RRP36: variants seen among roughly 807,000 people sequenced by gnomAD.
RRP36 encodes the protein ribosomal RNA processing protein 36 homolog.
A neutral mutation model predicts 39.8 loss-of-function variants in RRP36; 44 were observed. That is an observed-to-expected ratio of 1.10 (90% CI 0.87 to 1.42). The LOEUF (loss-of-function observed/expected upper bound fraction) is 1.42. Ranked by LOEUF, RRP36 falls within the 40% of genes most tolerant of loss-of-function variation. The pLI is 0.00. For synonymous variants in RRP36, 124 were observed against 123.1 expected (o/e 1.01, Z -0.05); for missense variants, 316 against 322.4 (o/e 0.98, Z 0.15).
Position 43,029,384 on chromosome 6 carries a change from AG to A in RRP36, c.*159del. On this transcript the variant is annotated 3_prime_UTR_variant, in exon 7 of 7. Transcript: ENST00000244496. ...ACTAGAGGGCTCTTGGACTATCCCT[AG>A]GGCTACACAAGAATAGTTCAGCCTT... 1.3e-6 allele frequency: 1 copy of A among 752,710 alleles called. No individual in the cohort carries two copies. The highest frequency in any genetic ancestry group is 2.7e-5 in the East Asian group (1 of 37,074). The allele number at this position is 752,710 out of a possible 1,614,324, so 46.6% of individuals were successfully genotyped here.
chr6:43,027,719 C>G (rs1171422006), intron 6 of RRP36, among the ~76,000 whole-genome samples: 1 of 130,370 alleles, frequency 7.7e-6, no homozygotes, highest in Non-Finnish European at 1.7e-5. Context: ...CCAACCCCCC[C>G]CCCCCAACAC....
chr6:43,025,185 A>G, intron 2 of RRP36, 53 bp downstream of exon 2: 3 of 1,612,888 alleles, frequency 1.9e-6, no homozygotes, highest in Non-Finnish European at 2.5e-6. Context: ...TTGAATAGGT[A>G]TGTTGTCTTG....
chr6:43,027,013 C>A, intron 4 of RRP36, 165 bp from the exon 5 acceptor site: 1 of 578,324 alleles, frequency 1.7e-6, no homozygotes, highest in Non-Finnish European at 3.0e-6. Context: ...TTGCAGTGAG[C>A]CAAGATCACA....
chr6:43,029,339 A>G lies in RRP36; in HGVS notation c.*111A>G, dbSNP rs1036735356. 7.8e-7 allele frequency: 1 copy of G among 1,277,204 alleles called. No homozygotes were observed. Among genetic ancestry groups the G allele is most frequent in the Non-Finnish European group, 1.1e-6 (1 of 908,714 alleles). 79.1% of individuals were successfully genotyped at this position (1,277,204 alleles called of 1,614,324 possible). Reference sequence around the variant, plus strand: ...GGGCAAGGATCACAGCTGCCCTTGAATCTCATTGCCTCAGAGAAGACTAGA... The same window carrying G: ...GGGCAAGGATCACAGCTGCCCTTGAGTCTCATTGCCTCAGAGAAGACTAGA... On this transcript the variant is annotated 3_prime_UTR_variant, in exon 7 of 7. Transcript: ENST00000244496.
In RRP36 at chr6:43,021,645, C is replaced by T. The variant is rs752577085; in HGVS notation, c.-10C>T. On this transcript the variant is annotated 5_prime_UTR_variant, in exon 1 of 7. Transcript: ENST00000244496. ...GGCGCCATTCGTCTTCCGAGCGCTA[C>T]TGCCAGCTGATGCCGGGAGCTAACT... is the stretch of plus-strand genomic sequence containing the variant. 5 of 1,285,104 alleles carry T rather than the reference C, an allele frequency of 3.9e-6. No homozygotes were observed. The highest frequency in any genetic ancestry group is 1.5e-5 in the African/African-American group (1 of 65,882). The allele number at this position is 1,285,104 out of a possible 1,614,324, so 79.6% of individuals were successfully genotyped here. A position where few individuals can be genotyped will look rare whatever the true frequency, so the allele number is the denominator to read the frequency against.
At chr6:43,026,884 G>A (rs1320939354) in intron 4 of RRP36, among the ~76,000 whole-genome samples, 2 of 148,782 alleles carry the variant, frequency 1.3e-5, no homozygotes, top group Non-Finnish European at 2.9e-5. Flanking sequence ...CCAACATGGT[G>A]AAATTTAGTC....
At position 43,021,727 on chromosome 6, in the gene RRP36, C is replaced by A; in HGVS notation, c.73C>A (p.Arg25Ser). 3 of 1,216,564 alleles carry A rather than the reference C, an allele frequency of 2.5e-6. No individual in the cohort carries two copies. The highest frequency in any genetic ancestry group is 3.1e-6 in the Non-Finnish European group (3 of 978,010). The allele number at this position is 1,216,564 out of a possible 1,614,324, so 75.4% of individuals were successfully genotyped here. A position where few individuals can be genotyped will look rare whatever the true frequency, so the allele number is the denominator to read the frequency against. The change falls in exon 1 of 7, where the codon CGC (arginine) becomes AGC (serine). Residue 25 changes from arginine (R) to serine (S), a missense_variant. Physicochemically the swap from Arg to Ser is moderately radical, Grantham distance 110. Transcript: ENST00000244496. ...GARRPRGARD[R>S]EEDGGGLEPA... ...CCGACGTCCCCGCGGGGCCCGGGAC[C>A]GCGAGGAGGACGGCGGGGGCCTGGA... is the stretch of plus-strand genomic sequence containing the variant.
Position 43,021,744 on chromosome 6 carries a change from G to A in RRP36, c.90G>A (p.Gly30=). The A allele has an allele frequency of 8.2e-7, 1 of 1,226,708 alleles. No homozygotes were observed. 76.0% of individuals were successfully genotyped at this position (1,226,708 alleles called of 1,614,324 possible). ...RGARDREEDG[G]GLEPAAVARD... is the part of the protein sequence containing the mutation. ...CCCGGGACCGCGAGGAGGACGGCGG[G>A]GGCCTGGAGCCCGCGGCCGTGGCCC... Residue 30 remains glycine, a synonymous_variant, in exon 1 of 7, where the codon GGG becomes GGA. Transcript: ENST00000244496.
At position 43,029,440 on chromosome 6, in the gene RRP36, C is replaced by T; in HGVS notation, c.*212C>T. The T allele has an allele frequency of 2.0e-6, 1 of 501,066 alleles. No individual in the cohort carries two copies. Among genetic ancestry groups the T allele is most frequent in the African/African-American group, 1.9e-5 (1 of 52,160 alleles). The allele number at this position is 501,066 out of a possible 1,614,324, so 31.0% of individuals were successfully genotyped here. A position where few individuals can be genotyped will look rare whatever the true frequency, so the allele number is the denominator to read the frequency against. ...CATGCCACACAGCCTCAGCTTGAATCTGGTTCATTGCGTCCTCGTGTTCTT... is the reference window on the plus strand; with the variant it reads ...CATGCCACACAGCCTCAGCTTGAATTTGGTTCATTGCGTCCTCGTGTTCTT... On this transcript the variant is annotated 3_prime_UTR_variant, in exon 7 of 7. Transcript: ENST00000244496.
rs1263309153 is a variant in RRP36 at position 43,025,537 on chromosome 6, C to T, written c.345+208C>T. On this transcript the variant is annotated intron_variant, in intron 3 of 6. Coordinates refer to ENST00000244496, the MANE Select transcript of RRP36 (RefSeq NM_033112.4). ...GCTTGGAAAACTGAGGCACAAGAAT[C>T]GCTTGAACCTGGGAGGTGAAGGTTG... Among the ~76,000 whole-genome samples, 8 of 147,050 alleles carry T rather than the reference C, an allele frequency of 5.4e-5. No individual in the cohort carries two copies. In the East Asian group the frequency reaches 8.0e-4, roughly 15 times the overall value.
chr6:43,027,332 G>A (rs776510457), intron 5 of RRP36, 28 bp from the exon 6 acceptor site: 12 of 1,612,988 alleles, frequency 7.4e-6, no homozygotes, highest in East Asian at 4.5e-5. Flanking sequence ...GATCCCTCCC[G>A]TTCACCCATC....
rs1214129341 is a variant in RRP36, at chr6:43,029,482, A to C, written c.*254A>C. ...CGTGTTCTTCTCTCATCCTTGCCTT[A>C]AACCAGGGATTCTGATACCGAAGAA... is the stretch of plus-strand genomic sequence containing the variant. On this transcript the variant is annotated 3_prime_UTR_variant, in exon 7 of 7. Transcript: ENST00000244496. 2.7e-6 allele frequency: 1 copy of C among 375,562 alleles called. No homozygotes were observed. Among genetic ancestry groups the C allele is most frequent in the African/African-American group, 2.1e-5 (1 of 48,712 alleles). The allele number at this position is 375,562 out of a possible 1,614,324, so 23.3% of individuals were successfully genotyped here. A position where few individuals can be genotyped will look rare whatever the true frequency, so the allele number is the denominator to read the frequency against.
chr6:43,022,590 T>C (rs566877586), intron 1 of RRP36, among the ~76,000 whole-genome samples: 3,340 of 149,258 alleles, frequency 0.022, 144 homozygotes, highest in African/African-American at 0.077. Context: ...TGGGTTTGTT[T>C]ATTTATTTAT....
At chr6:43,029,056 C>T in intron 6 of RRP36, 36 bp from the exon 7 acceptor site, 3 of 1,611,892 alleles carry the variant, frequency 1.9e-6, no homozygotes, top group Non-Finnish European at 2.5e-6. Context: ...GGGCTTCCTT[C>T]TTTGTTCACC....
chr6:43,028,800 A>C (rs1298190862), intron 6 of RRP36, among the ~76,000 whole-genome samples: 1 of 151,414 alleles, frequency 6.6e-6, no homozygotes, highest in Admixed American at 6.6e-5. Context: ...AAAATACAAA[A>C]AAATTAGCCA....
intron 4 of RRP36, 80 bp downstream of exon 4, chr6:43,026,221 A>T: frequency 1.1e-6 from 1 of 937,434 alleles, no homozygotes; most frequent in Non-Finnish European, 1.7e-6. Context: ...GGGCAGGGGG[A>T]GTGGGAAGTA....
Position 43,026,010 on chromosome 6 carries a change from T to A in RRP36, c.346-27T>A, listed in dbSNP as rs185120320. On this transcript the variant is annotated intron_variant, in intron 3 of 6. Coordinates refer to ENST00000244496, the MANE Select transcript of RRP36 (RefSeq NM_033112.4). Reference sequence around the variant, plus strand: ...GTGAAAGGAGATTGAACAGTTGTGTTTTATATTCTCTCTCTTCTCTCCAAA... The same window carrying A: ...GTGAAAGGAGATTGAACAGTTGTGTATTATATTCTCTCTCTTCTCTCCAAA... 1.6e-4 allele frequency: 249 copies of A among 1,543,074 alleles called. 1 individual carries two copies. The East Asian group carries it at 5.5e-3, about 34-fold the overall frequency.
Position 43,025,291 on chromosome 6 carries a change from G to GT in RRP36, c.308dup (p.Pro104ThrfsTer10). 1.2e-6 allele frequency: 2 copies of GT among 1,614,084 alleles called. No homozygotes were observed. Among genetic ancestry groups the GT allele is most frequent in the Non-Finnish European group, 1.7e-6 (2 of 1,180,024 alleles). Reference sequence around the variant, plus strand: ...TCTGGAAATGTCAGCCAAGATCCGAGTACCATTTTTACGTCAGGTTGTTCC... The same window carrying GT: ...TCTGGAAATGTCAGCCAAGATCCGAGTTACCATTTTTACGTCAGGTTGTTCC... On this transcript the variant is annotated frameshift_variant, in exon 3 of 7. Transcript: ENST00000244496. LOFTEE classifies it high-confidence loss of function.
intron 6 of RRP36, among the ~76,000 whole-genome samples, chr6:43,028,005 G>C (rs2150297562): frequency 6.6e-6 from 1 of 152,274 alleles, no homozygotes; most frequent in East Asian, 1.9e-4. Flanking sequence ...ATAGTTGGTT[G>C]AATTGAGTAG....
Sources: gnomAD v4.1 joint callset for allele counts (sites outside exome capture counted in the v4.1 genomes callset) on GRCh38, gnomAD v4.1.1 for gene constraint, MANE v1.5 for transcripts, NCBI Gene and HGNC (gene_info 2026-07-23, HGNC 2026-07-21) for gene names.